RASEF: variants seen among roughly 807,000 people sequenced by gnomAD.
RASEF encodes the protein RAS and EF-hand domain containing, also known as ras and EF-hand domain-containing protein.
Under a neutral mutation model 90.1 loss-of-function variants are expected in RASEF, and 68 were observed. The ratio of observed to expected loss-of-function variants is 0.75; its 90% CI spans 0.62 to 0.92. RASEF has a LOEUF of 0.92. Among genes scored for constraint, RASEF ranks in the 40% least tolerant of loss-of-function variants. The probability of loss-of-function intolerance (pLI) is 0.00; values close to 1 mark genes in which losing one functional copy is unlikely to be tolerated. For synonymous variants in RASEF, 331 were observed against 345.2 expected (o/e 0.96, Z 0.46); for missense variants, 949 against 937.2 (o/e 1.01, Z -0.16).
chr9:83,089,709 T>C, the RASEF span, among the ~76,000 whole-genome samples: 1 of 152,204 alleles, frequency 6.6e-6, no homozygotes, highest in African/African-American at 2.4e-5. Context: ...ATTCTTTGTC[T>C]TTGAGTATCA....
At chr9:83,063,896 T>C (rs1438365347), upstream of RASEF, among the ~76,000 whole-genome samples, 1 of 152,218 alleles carries the variant, frequency 6.6e-6, no homozygotes, top group Non-Finnish European at 1.5e-5. Context: ...TTTTAAACAC[T>C]TTTTCCATCC....
chr9:82,992,011 T>C (rs550201542), intron 15 of RASEF, among the ~76,000 whole-genome samples: 1 of 152,342 alleles, frequency 6.6e-6, no homozygotes, highest in South Asian at 2.1e-4. Context: ...ATGGGTTGAG[T>C]GAATCTCTTC....
At chr9:83,055,825 G>T in intron 1 of RASEF, 1 of 594,856 alleles carries the variant, frequency 1.7e-6, no homozygotes, top group South Asian at 2.0e-5. Flanking sequence ...GGACCCCGAA[G>T]GGTCTATGGC....
At chr9:83,033,176 G>A (rs1414024415) in intron 1 of RASEF, among the ~76,000 whole-genome samples, 1 of 152,134 alleles carries the variant, frequency 6.6e-6, no homozygotes, top group Non-Finnish European at 1.5e-5. Flanking sequence ...ACTAAGGAAT[G>A]CCACAAGAAC....
chr9:83,169,765 G>C, the RASEF span, among the ~76,000 whole-genome samples: 1 of 151,848 alleles, frequency 6.6e-6, no homozygotes, highest in East Asian at 1.9e-4. Flanking sequence ...TATCTATTCA[G>C]ATCCTTTGCT....
At chr9:83,057,275 A>G (rs1003409411) in intron 1 of RASEF, among the ~76,000 whole-genome samples, 1 of 152,206 alleles carries the variant, frequency 6.6e-6, no homozygotes, top group Non-Finnish European at 1.5e-5. Flanking sequence ...ATATAATCTT[A>G]TATCTAGAAA....
the RASEF span, among the ~76,000 whole-genome samples, chr9:83,122,919 T>C: frequency 5.9e-5 from 9 of 152,088 alleles, no homozygotes; most frequent in African/African-American, 1.9e-4. Context: ...TCTATCTGAA[T>C]GGGGTGAGGT....
rs561681357 is a variant in RASEF, at chr9:83,047,613, T to A, written c.431+14824A>T. 3.6e-4 allele frequency among the ~76,000 whole-genome samples: 55 copies of A among 152,272 alleles called. No homozygotes were observed. In the Middle Eastern group the frequency reaches 0.014, roughly 38 times the overall value. The stretch of plus-strand genomic sequence containing the variant: ...CATTCACAGCTTAGCCCTCCTCCCC[T>A]AGGACATACCCATTAGGGCAGCATA... On this transcript the variant is annotated intron_variant, in intron 1 of 16. Transcript: ENST00000376447.
the RASEF span, among the ~76,000 whole-genome samples, chr9:83,194,898 C>T: frequency 1.3e-3 from 200 of 152,320 alleles, no homozygotes; most frequent in African/African-American, 4.6e-3. Context: ...TTTTCTGATA[C>T]TACAGAAGGT....
At chr9:83,092,987 C>A in the RASEF span, among the ~76,000 whole-genome samples, 1 of 151,710 alleles carries the variant, frequency 6.6e-6, no homozygotes, top group Non-Finnish European at 1.5e-5. Flanking sequence ...GAGCTAGATA[C>A]AAAGTGCCGA....
At chr9:83,218,353 C>T in the RASEF span, among the ~76,000 whole-genome samples, 1 of 152,128 alleles carries the variant, frequency 6.6e-6, no homozygotes, top group Admixed American at 6.5e-5. Context: ...CCTCCCTCAT[C>T]CTCACTAACC....
chr9:83,062,900 G>T lies in RASEF; in HGVS notation c.-33C>A. The T allele has an allele frequency of 7.1e-7, 1 of 1,411,986 alleles. No individual in the cohort carries two copies. Among genetic ancestry groups the T allele is most frequent in the South Asian group, 1.6e-5 (1 of 63,812 alleles). 87.5% of individuals were successfully genotyped at this position (1,411,986 alleles called of 1,614,324 possible). The stretch of plus-strand genomic sequence containing the variant: ...GGCGGGGGCGGCCGAGAGGGCTCCG[G>T]AGCGCCGCGGGGCGCAGGGCCCTCC... On this transcript the variant is annotated 5_prime_UTR_variant, in exon 1 of 17. Coordinates refer to ENST00000376447, the MANE Select transcript of RASEF (RefSeq NM_152573.4).
At chr9:83,081,692 G>A in the RASEF span, among the ~76,000 whole-genome samples, 1 of 152,244 alleles carries the variant, frequency 6.6e-6, no homozygotes, top group Non-Finnish European at 1.5e-5. Flanking sequence ...TCATAACAGA[G>A]TAAATCCTGC....
chr9:83,174,916 G>T, the RASEF span, among the ~76,000 whole-genome samples: 1 of 151,676 alleles, frequency 6.6e-6, no homozygotes, highest in Non-Finnish European at 1.5e-5. Context: ...TCATTTTTAG[G>T]TTGTTCAATG....
chr9:83,039,312 AC>A (rs1309147723), intron 1 of RASEF, among the ~76,000 whole-genome samples: 3 of 151,910 alleles, frequency 2.0e-5, no homozygotes, highest in Non-Finnish European at 4.4e-5. Context: ...CTTCCCAGTT[AC>A]CCTATCAGTC....
chr9:83,004,497 C>A lies in RASEF; in HGVS notation c.1202+1G>T, dbSNP rs771785519. The A allele has an allele frequency of 6.4e-7, 1 of 1,572,012 alleles. No individual in the cohort carries two copies. Among genetic ancestry groups the A allele is most frequent in the Non-Finnish European group, 8.8e-7 (1 of 1,141,954 alleles). ...CAGAAAGTTAAGACGAGTTAACATA[C>A]CTGTCATAGCCTAGAGGTTGAGGGG... On this transcript the variant is annotated splice_donor_variant, in intron 9 of 16. Coordinates refer to ENST00000376447, the MANE Select transcript of RASEF (RefSeq NM_152573.4). LOFTEE classifies it high-confidence loss of function.
the RASEF span, among the ~76,000 whole-genome samples, chr9:83,093,336 G>C: frequency 6.6e-6 from 1 of 152,188 alleles, no homozygotes; most frequent in African/African-American, 2.4e-5. Context: ...ACTGGGCCCC[G>C]CGGAGCAGGG....
chr9:83,118,777 C>T, the RASEF span, among the ~76,000 whole-genome samples: 1 of 152,154 alleles, frequency 6.6e-6, no homozygotes, highest in Non-Finnish European at 1.5e-5. Flanking sequence ...CTAAGCCAAG[C>T]TCCAGCTAAA....
chr9:83,043,192 C>T (rs1407165029), intron 1 of RASEF, among the ~76,000 whole-genome samples: 1 of 152,220 alleles, frequency 6.6e-6, no homozygotes, highest in Admixed American at 6.5e-5. Flanking sequence ...TCCAAATGGA[C>T]ATTTTTAGTA....
Sources: allele counts gnomAD v4.1 joint callset (sites outside exome capture counted in the v4.1 genomes callset), GRCh38; gene constraint gnomAD v4.1.1; transcripts MANE v1.5; gene names NCBI Gene and HGNC (gene_info 2026-07-23, HGNC 2026-07-21).